The following PCDH7 variants were observed in gnomAD, a reference collection of about 807,000 sequenced individuals.
PCDH7 encodes protocadherin 7.
A neutral mutation model predicts 58.9 loss-of-function variants in PCDH7; 17 were observed. The ratio of observed to expected loss-of-function variants is 0.29; its 90% CI spans 0.20 to 0.43. The LOEUF is 0.43. Among genes scored for constraint, PCDH7 ranks in the 20% least tolerant of loss-of-function variants. The pLI is 1.00. For synonymous variants in PCDH7, 664 were observed against 616.4 expected (o/e 1.08, Z -1.14); for missense variants, 1,274 against 1,441.0 (o/e 0.88, Z 1.88).
chr4:30,985,226 G>A (rs9986088), intron 3 of PCDH7, among the ~76,000 whole-genome samples: 8,822 of 152,082 alleles, frequency 0.058, 839 homozygotes, highest in African/African-American at 0.2. Flanking sequence ...CAAAGTGCTG[G>A]GATTACAGGC....
chr4:30,935,461 C>T (rs1745232988), intron 2 of PCDH7: 2 of 226,296 alleles, frequency 8.8e-6, no homozygotes, highest in Non-Finnish European at 1.5e-5. Context: ...AAATATAATT[C>T]TATGAAACTA....
chr4:30,772,300 C>T (rs1034514726), intron 1 of PCDH7, among the ~76,000 whole-genome samples: 9 of 152,170 alleles, frequency 5.9e-5, no homozygotes, highest in African/African-American at 1.9e-4. Context: ...GAGAAATCAG[C>T]GGAAGACATT....
intron 3 of PCDH7, among the ~76,000 whole-genome samples, chr4:30,988,371 A>T (rs10020282): frequency 0.25 from 37,596 of 152,126 alleles, 4,873 homozygotes; most frequent in African/African-American, 0.31. Flanking sequence ...TAGACAGAAT[A>T]GTCACCTACA....
intron 3 of PCDH7, among the ~76,000 whole-genome samples, chr4:30,993,821 G>A (rs1751652092): frequency 6.6e-6 from 1 of 151,480 alleles, no homozygotes; most frequent in Non-Finnish European, 1.5e-5. Context: ...ATTATATGAA[G>A]ATTGTAATGA....
chr4:31,080,266 A>T (rs1759388221), intron 3 of PCDH7, among the ~76,000 whole-genome samples: 1 of 124,492 alleles, frequency 8.0e-6, no homozygotes, highest in African/African-American at 3.7e-5. Flanking sequence ...GATATTCTTT[A>T]TCTTGTTTAG....
chr4:30,853,712 A>G (rs760612790), intron 1 of PCDH7, among the ~76,000 whole-genome samples: 35 of 152,244 alleles, frequency 2.3e-4, no homozygotes, highest in Middle Eastern at 3.4e-3. Flanking sequence ...ACAGAAGTCA[A>G]GTGTAAATGA....
rs12641107 is a variant in PCDH7 at position 31,063,206 on chromosome 4, G to A, written c.*8-79267G>A. Among the ~76,000 whole-genome samples, 22 of 151,838 alleles carry A rather than the reference G, an allele frequency of 1.4e-4. No homozygotes were observed. In the East Asian group the frequency reaches 3.3e-3, roughly 23 times the overall value. On this transcript the variant is annotated intron_variant, in intron 3 of 3. Coordinates refer to the PCDH7 transcript ENST00000509759. Reference sequence around the variant, plus strand: ...ACTCATTCATGTGTATGTACCATGTGGATTACTGTAATGGCAGAGAAAATA... The same window carrying A: ...ACTCATTCATGTGTATGTACCATGTAGATTACTGTAATGGCAGAGAAAATA...
At chr4:30,764,376 C>T (rs561019492) in intron 1 of PCDH7, among the ~76,000 whole-genome samples, 4 of 152,224 alleles carry the variant, frequency 2.6e-5, no homozygotes, top group African/African-American at 9.6e-5. Flanking sequence ...GTTTTAATTT[C>T]CATTAGCATC....
chr4:30,884,385 G>A (rs1737405224), intron 1 of PCDH7: 1 of 152,106 alleles, frequency 6.6e-6, no homozygotes, highest in South Asian at 2.1e-4. Context: ...GAGTTATCCT[G>A]GGGAGGGGAC....
intron 2 of PCDH7, among the ~76,000 whole-genome samples, chr4:30,937,386 T>G (rs990473925): frequency 1.2e-4 from 18 of 152,114 alleles, no homozygotes; most frequent in African/African-American, 4.3e-4. Context: ...GTGATTCAAT[T>G]AGAAAATATC....
intron 2 of PCDH7, among the ~76,000 whole-genome samples, chr4:30,937,384 A>G (rs1221108516): frequency 1.3e-5 from 2 of 152,076 alleles, no homozygotes; most frequent in African/African-American, 2.4e-5. Context: ...ATGTGATTCA[A>G]TTAGAAAATA....
chr4:30,992,213 G>A (rs557620933), intron 3 of PCDH7, among the ~76,000 whole-genome samples: 1 of 152,318 alleles, frequency 6.6e-6, no homozygotes, highest in East Asian at 1.9e-4. Context: ...AGCATGTCAG[G>A]TAGTCTTATT....
At chr4:31,075,869 A>G (rs1758946915) in intron 3 of PCDH7, among the ~76,000 whole-genome samples, 1 of 152,180 alleles carries the variant, frequency 6.6e-6, no homozygotes, top group African/African-American at 2.4e-5. Flanking sequence ...TCTTCAGTGT[A>G]TCTCCATATA....
intron 1 of PCDH7, among the ~76,000 whole-genome samples, chr4:30,881,523 C>G (rs1441319485): frequency 6.6e-6 from 1 of 152,116 alleles, no homozygotes; most frequent in Non-Finnish European, 1.5e-5. Flanking sequence ...ATCTCTAGCA[C>G]AAATTAGGAA....
intron 1 of PCDH7, among the ~76,000 whole-genome samples, chr4:30,767,021 G>T (rs1398502075): frequency 6.6e-6 from 1 of 151,872 alleles, no homozygotes; most frequent in Admixed American, 6.6e-5. Flanking sequence ...TGACCCGTTG[G>T]TATAAACCTA....
chr4:30,890,754 T>C (rs1738504118), intron 1 of PCDH7, among the ~76,000 whole-genome samples: 1 of 152,134 alleles, frequency 6.6e-6, no homozygotes, highest in African/African-American at 2.4e-5. Context: ...CAGCATTCTT[T>C]TGAAAATAAA....
chr4:30,907,189 A>G (rs1741060742), intron 1 of PCDH7, among the ~76,000 whole-genome samples: 1 of 152,186 alleles, frequency 6.6e-6, no homozygotes, highest in South Asian at 2.1e-4. Context: ...ACACTGGGCT[A>G]TGGAGACCTC....
intron 1 of PCDH7, among the ~76,000 whole-genome samples, chr4:30,840,885 T>C (rs1355441169): frequency 6.6e-6 from 1 of 151,662 alleles, no homozygotes; most frequent in Non-Finnish European, 1.5e-5. Flanking sequence ...TATAATTTCT[T>C]TGGCCCTTTT....
At chr4:30,789,730 G>A (rs1005153207) in intron 1 of PCDH7, among the ~76,000 whole-genome samples, 2 of 151,958 alleles carry the variant, frequency 1.3e-5, no homozygotes, top group African/African-American at 4.8e-5. Flanking sequence ...TTTTTATTTA[G>A]GTGAATTTCT....
Sources: allele counts gnomAD v4.1 joint callset (sites outside exome capture counted in the v4.1 genomes callset), GRCh38; gene constraint gnomAD v4.1.1; transcripts MANE v1.5; gene names NCBI Gene and HGNC (gene_info 2026-07-23, HGNC 2026-07-21).